Variants in DDAH1 observed in about 807,000 individuals in gnomAD.
DDAH1 encodes the protein dimethylarginine dimethylaminohydrolase 1, also known as N(G),N(G)-dimethylarginine dimethylaminohydrolase 1.
In DDAH1, 19 loss-of-function variants were observed where a neutral mutation model predicts 28.8. The observed-to-expected ratio is 0.66, with a 90% CI of 0.46 to 0.97. The LOEUF (loss-of-function observed/expected upper bound fraction) is 0.97, where lower values mean the gene tolerates loss of function less well. DDAH1 is among the 50% of genes least tolerant of loss of function. The pLI, the probability that DDAH1 is intolerant of heterozygous loss-of-function variation, is 0.00. For synonymous variants in DDAH1, 153 were observed against 154.4 expected (o/e 0.99, Z 0.07); for missense variants, 326 against 375.9 (o/e 0.87, Z 1.10).
chr1:85,364,437 C>T (rs1194162031), intron 1 of DDAH1, among the ~76,000 whole-genome samples: 1 of 152,124 alleles, frequency 6.6e-6, no homozygotes, highest in Non-Finnish European at 1.5e-5. Flanking sequence ...ATAAACCACA[C>T]CAACCTGTTT....
chr1:85,402,088 C>T (rs1412146271), intron 1 of DDAH1, among the ~76,000 whole-genome samples: 1 of 151,832 alleles, frequency 6.6e-6, no homozygotes, highest in Non-Finnish European at 1.5e-5. Flanking sequence ...TGGGCTCAAG[C>T]AATCCTCCTG....
chr1:85,455,024 C>G (rs780005064), intron 1 of DDAH1, among the ~76,000 whole-genome samples: 1 of 152,042 alleles, frequency 6.6e-6, no homozygotes, highest in Non-Finnish European at 1.5e-5. Context: ...AACCAGGGTC[C>G]CTGACAGAGA....
At chr1:85,454,009 T>C (rs1654774095) in intron 1 of DDAH1, among the ~76,000 whole-genome samples, 1 of 152,186 alleles carries the variant, frequency 6.6e-6, no homozygotes, top group Non-Finnish European at 1.5e-5. Flanking sequence ...TGTTGGATCC[T>C]GATGCCTCCC....
chr1:85,564,646 T>A (rs1048209174), intron 1 of DDAH1, among the ~76,000 whole-genome samples: 5 of 152,020 alleles, frequency 3.3e-5, no homozygotes, highest in African/African-American at 1.2e-4. Flanking sequence ...AGAAGGCAGA[T>A]CACTTGAGGT....
chr1:85,506,918 C>T (rs1427187575), intron 1 of DDAH1, among the ~76,000 whole-genome samples: 2 of 152,130 alleles, frequency 1.3e-5, no homozygotes, highest in East Asian at 3.9e-4. Flanking sequence ...GAGCAGTAGT[C>T]AGAGAGTGAC....
intron 2 of DDAH1, among the ~76,000 whole-genome samples, chr1:85,483,746 G>A (rs971994600): frequency 6.6e-6 from 1 of 152,090 alleles, no homozygotes; most frequent in East Asian, 1.9e-4. Context: ...CACGGATCGC[G>A]GACCTGTATG....
At chr1:85,465,717 T>C (rs1655355146), upstream of DDAH1, among the ~76,000 whole-genome samples, 1 of 152,182 alleles carries the variant, frequency 6.6e-6, no homozygotes, top group African/African-American at 2.4e-5. Context: ...AGCATTTGCA[T>C]ATCTGAAAAC....
chr1:85,389,107 T>G (rs940982528), intron 1 of DDAH1, among the ~76,000 whole-genome samples: 5 of 152,044 alleles, frequency 3.3e-5, no homozygotes, highest in African/African-American at 1.2e-4. Context: ...TTTGGGAGGC[T>G]GAGGCAGGAG....
chr1:85,456,083 G>A (rs1460769781), intron 1 of DDAH1, among the ~76,000 whole-genome samples: 1 of 149,110 alleles, frequency 6.7e-6, no homozygotes, highest in African/African-American at 2.5e-5. Context: ...CCTACAACCC[G>A]GGTTCCAAAA....
At chr1:85,504,225 C>A (rs1656927639) in intron 1 of DDAH1, among the ~76,000 whole-genome samples, 2 of 152,172 alleles carry the variant, frequency 1.3e-5, no homozygotes, top group South Asian at 4.1e-4. Flanking sequence ...ATCATGCCCT[C>A]TGTTGATAGC....
intron 1 of DDAH1, among the ~76,000 whole-genome samples, chr1:85,387,592 C>T (rs984671974): frequency 1.3e-5 from 2 of 152,184 alleles, no homozygotes; most frequent in Non-Finnish European, 2.9e-5. Flanking sequence ...AGTCTGGTCA[C>T]AACCAATTAG....
intron 2 of DDAH1, among the ~76,000 whole-genome samples, chr1:85,483,449 TA>T (rs1013830766): frequency 2.6e-5 from 4 of 152,116 alleles, no homozygotes; most frequent in African/African-American, 9.7e-5. Context: ...CTCTCCCCAG[TA>T]AAAAATCTTT....
chr1:85,402,967 T>TA (rs1652218149), intron 1 of DDAH1, among the ~76,000 whole-genome samples: 1 of 151,824 alleles, frequency 6.6e-6, no homozygotes, highest in South Asian at 2.1e-4. Context: ...AATATTAGTT[T>TA]AACCTCCACA....
chr1:85,534,648 T>C (rs577206220), intron 1 of DDAH1, among the ~76,000 whole-genome samples: 1 of 151,996 alleles, frequency 6.6e-6, no homozygotes, highest in South Asian at 2.1e-4. Context: ...GAATCATGAG[T>C]AAAATCACAA....
chr1:85,422,196 CA>C (rs1653176742), intron 1 of DDAH1, among the ~76,000 whole-genome samples: 1 of 152,142 alleles, frequency 6.6e-6, no homozygotes, highest in Non-Finnish European at 1.5e-5. Context: ...TTTCCATCTG[CA>C]TATCTTCTTT....
chr1:85,372,710 T>C (rs1176094595), intron 1 of DDAH1, among the ~76,000 whole-genome samples: 1 of 152,174 alleles, frequency 6.6e-6, no homozygotes, highest in Non-Finnish European at 1.5e-5. Context: ...ATATCTGGTT[T>C]TGAGTAATAC....
chr1:85,377,099 G>A (rs1412128624), intron 1 of DDAH1, among the ~76,000 whole-genome samples: 1 of 152,108 alleles, frequency 6.6e-6, no homozygotes, highest in Non-Finnish European at 1.5e-5. Context: ...AAACTCACAA[G>A]AGACATTTGT....
rs550307646 is a variant in DDAH1 at position 85,321,065 on chromosome 1, G to GAAAAAAAAAAAAAAAAAAA, written c.*368_*386dup. On this transcript the variant is annotated 3_prime_UTR_variant, in exon 6 of 6. Transcript: ENST00000284031. ...TTCACAGGAACCAAACATGATTCAT[G>GAAAAAAAAAAAAAAAAAAA]AAAAAAAAAAAAAAAAAAAGCAAGC... The GAAAAAAAAAAAAAAAAAAA allele has an allele frequency of 4.1e-5, 3 of 73,288 alleles. 1 individual carries two copies. Among genetic ancestry groups the GAAAAAAAAAAAAAAAAAAA allele is most frequent in the Non-Finnish European group, 7.8e-5 (3 of 38,528 alleles). The allele number at this position is 73,288 out of a possible 1,614,324, so 4.5% of individuals were successfully genotyped here.
chr1:85,463,118 T>C (rs1655200319), intron 1 of DDAH1, among the ~76,000 whole-genome samples: 1 of 152,210 alleles, frequency 6.6e-6, no homozygotes, highest in South Asian at 2.1e-4. Flanking sequence ...TCTAATGTTT[T>C]TATCCACTAC....
Sources: gnomAD v4.1 joint callset for allele counts (sites outside exome capture counted in the v4.1 genomes callset) on GRCh38, gnomAD v4.1.1 for gene constraint, MANE v1.5 for transcripts, NCBI Gene and HGNC (gene_info 2026-07-23, HGNC 2026-07-21) for gene names.